The following GRHL2 variants were observed in gnomAD, a reference collection of about 807,000 sequenced individuals.
GRHL2 encodes the protein grainyhead-like protein 2 homolog.
A neutral mutation model predicts 83.8 loss-of-function variants in GRHL2; 21 were observed. The observed-to-expected ratio is 0.25, with a 90% CI of 0.18 to 0.36. The LOEUF (loss-of-function observed/expected upper bound fraction) is 0.36. Ranked by LOEUF, GRHL2 falls within the 10% of genes least tolerant of loss-of-function variation. The pLI, the probability that GRHL2 is intolerant of heterozygous loss-of-function variation, is 1.00. For missense variants in GRHL2, 623 were observed against 781.8 expected (o/e 0.80, Z 2.42); for synonymous variants, 280 against 278.9 (o/e 1.00, Z -0.04).
intron 1 of GRHL2, among the ~76,000 whole-genome samples, chr8:101,520,028 A>C (rs769492518): frequency 3.9e-5 from 6 of 152,218 alleles, no homozygotes; most frequent in Non-Finnish European, 7.4e-5. Context: ...CCAGCATTTT[A>C]ATTTTAGATC....
At chr8:101,507,931 T>C (rs753313298) in intron 1 of GRHL2, among the ~76,000 whole-genome samples, 31 of 151,946 alleles carry the variant, frequency 2.0e-4, no homozygotes, top group Non-Finnish European at 1.3e-4. Flanking sequence ...TACAGATGTG[T>C]GCCACCATGC....
rs112155187 is a variant in GRHL2 at position 101,640,465 on chromosome 8, G to C, written c.1517+3537G>C. On this transcript the variant is annotated intron_variant, in intron 12 of 15. Transcript: ENST00000646743. Reference sequence around the variant, plus strand: ...TTTCTGTAGAGAATGGTCCTTTAATGTGGAATTTATGGATGTCTCTTATGG... The same window carrying C: ...TTTCTGTAGAGAATGGTCCTTTAATCTGGAATTTATGGATGTCTCTTATGG... 8.0e-3 allele frequency among the ~76,000 whole-genome samples: 1,212 copies of C among 152,300 alleles called. 12 individuals are homozygous for C. Among genetic ancestry groups the C allele is most frequent in the African/African-American group, 0.027 (1,104 of 41,572 alleles).
the GRHL2 span, among the ~76,000 whole-genome samples, chr8:101,678,390 C>T: frequency 8.9e-4 from 136 of 152,218 alleles, no homozygotes; most frequent in Non-Finnish European, 1.4e-3. Context: ...TAAAAAACGG[C>T]GCACCACGAG....
chr8:101,645,842 G>A (rs1034353593), intron 13 of GRHL2, among the ~76,000 whole-genome samples: 5 of 152,158 alleles, frequency 3.3e-5, no homozygotes, highest in Admixed American at 6.5e-5. Context: ...TAAATGCTAC[G>A]TTAGAAACAT....
chr8:101,607,616 C>T (rs1452933906), intron 8 of GRHL2, among the ~76,000 whole-genome samples: 1 of 152,152 alleles, frequency 6.6e-6, no homozygotes. Flanking sequence ...GAACATATCT[C>T]ATGGTCTGAA....
Position 101,499,579 on chromosome 8 carries a change from C to T in GRHL2, c.20+6790C>T, listed in dbSNP as rs139742192. On this transcript the variant is annotated intron_variant, in intron 1 of 15. Transcript: ENST00000646743. Reference sequence around the variant, plus strand: ...TTCAGTATTTACAGCATCAGCAGCCCATCCTTGTTACCTGGGCCAAGAGGT... The same window carrying T: ...TTCAGTATTTACAGCATCAGCAGCCTATCCTTGTTACCTGGGCCAAGAGGT... 2.0e-5 allele frequency among the ~76,000 whole-genome samples: 3 copies of T among 152,258 alleles called. No homozygotes were observed. In the East Asian group the frequency reaches 5.8e-4, roughly 29 times the overall value.
chr8:101,639,496 C>G (rs1813355179), intron 12 of GRHL2, among the ~76,000 whole-genome samples: 2 of 152,224 alleles, frequency 1.3e-5, no homozygotes, highest in Non-Finnish European at 1.5e-5. Context: ...TTCAAAGACA[C>G]ACAGCTGGTA....
intron 14 of GRHL2, among the ~76,000 whole-genome samples, chr8:101,653,221 T>C (rs886602662): frequency 1.3e-5 from 2 of 152,120 alleles, no homozygotes; most frequent in African/African-American, 2.4e-5. Flanking sequence ...TTTTGACTTT[T>C]AATTTCAAAA....
At chr8:101,590,215 C>G (rs1404578309) in intron 7 of GRHL2, among the ~76,000 whole-genome samples, 5 of 152,142 alleles carry the variant, frequency 3.3e-5, no homozygotes, top group Admixed American at 3.3e-4. Flanking sequence ...AGTCAGGTCA[C>G]CTCTGACTCT....
At chr8:101,509,892 G>C (rs1810429358) in intron 1 of GRHL2, among the ~76,000 whole-genome samples, 1 of 152,096 alleles carries the variant, frequency 6.6e-6, no homozygotes, top group Admixed American at 6.6e-5. Context: ...TCAACCACTT[G>C]CAAGCAACAA....
intron 14 of GRHL2, among the ~76,000 whole-genome samples, chr8:101,656,879 C>T (rs1586176920): frequency 8.7e-6 from 1 of 115,172 alleles, no homozygotes; most frequent in Non-Finnish European, 2.0e-5. Context: ...AACAGACACA[C>T]ACACACACAC....
In GRHL2 at chr8:101,543,166, G is replaced by A. The variant is rs975342182; in HGVS notation, c.21-75G>A. The stretch of plus-strand genomic sequence containing the variant: ...AATAAAAATTAATGTTTGTAGTCAT[G>A]TAATATGTATATTATTAGGGGTAAA... On this transcript the variant is annotated intron_variant, in intron 1 of 15. Coordinates refer to ENST00000646743, the MANE Select transcript of GRHL2 (RefSeq NM_024915.4). 4 of 1,043,586 alleles carry A rather than the reference G, an allele frequency of 3.8e-6. No individual in the cohort carries two copies. In the African/African-American group the frequency reaches 4.7e-5, roughly 12 times the overall value. The allele number at this position is 1,043,586 out of a possible 1,614,324, so 64.6% of individuals were successfully genotyped here. A position where few individuals can be genotyped will look rare whatever the true frequency, so the allele number is the denominator to read the frequency against.
At chr8:101,538,173 A>G (rs939189163) in intron 1 of GRHL2, among the ~76,000 whole-genome samples, 4 of 152,180 alleles carry the variant, frequency 2.6e-5, no homozygotes, top group African/African-American at 4.8e-5. Flanking sequence ...ATAACTGCAC[A>G]TATCTTTAGA....
chr8:101,680,296 C>T, the GRHL2 span, among the ~76,000 whole-genome samples: 3 of 133,110 alleles, frequency 2.3e-5, no homozygotes, highest in Admixed American at 7.7e-5. Context: ...ATAAAACAGA[C>T]TTTAAACCAA....
rs796913281 is a variant in GRHL2, at chr8:101,528,416, G to A, written c.21-14825G>A. 1.1e-4 allele frequency among the ~76,000 whole-genome samples: 17 copies of A among 150,428 alleles called. No individual in the cohort carries two copies. The East Asian group carries it at 2.5e-3, about 22-fold the overall frequency. On this transcript the variant is annotated intron_variant, in intron 1 of 15. Transcript: ENST00000646743. The stretch of plus-strand genomic sequence containing the variant: ...GGTGCAGTAGCTTCTTTTTACCCCC[G>A]TCTCTTTTCAGATTTTTTTTTTTTT...
chr8:101,600,374 A>G (rs1334049690), intron 8 of GRHL2, among the ~76,000 whole-genome samples: 2 of 152,198 alleles, frequency 1.3e-5, no homozygotes, highest in African/African-American at 2.4e-5. Context: ...TGCCCAAGCC[A>G]TGTGCTTTCG....
chr8:101,580,565 A>C (rs911573207), intron 7 of GRHL2, among the ~76,000 whole-genome samples: 3 of 151,734 alleles, frequency 2.0e-5, no homozygotes, highest in African/African-American at 7.3e-5. Context: ...AAAATAACCC[A>C]TTTTCTTGTT....
intron 1 of GRHL2, among the ~76,000 whole-genome samples, chr8:101,533,043 T>C (rs760681847): frequency 6.6e-6 from 1 of 152,190 alleles, no homozygotes; most frequent in Non-Finnish European, 1.5e-5. Context: ...CCTTTGCTGA[T>C]TGAAGTTTAG....
At chr8:101,654,636 T>C (rs1813745594) in intron 14 of GRHL2, among the ~76,000 whole-genome samples, 1 of 152,234 alleles carries the variant, frequency 6.6e-6, no homozygotes, top group Non-Finnish European at 1.5e-5. Context: ...GGATTTGTCA[T>C]CTTGATAGAA....
Sources: allele counts gnomAD v4.1 joint callset (sites outside exome capture counted in the v4.1 genomes callset), GRCh38; gene constraint gnomAD v4.1.1; transcripts MANE v1.5; gene names NCBI Gene and HGNC (gene_info 2026-07-23, HGNC 2026-07-21).